Variants in DNAH7 observed in about 807,000 individuals in gnomAD.
DNAH7 encodes dynein axonemal heavy chain 7.
DNAH7 carries 397 observed loss-of-function variants against 444.6 expected under a neutral mutation model. The ratio of observed to expected loss-of-function variants is 0.89; its 90% CI spans 0.82 to 0.97. The LOEUF is 0.97. Among genes scored for constraint, DNAH7 ranks in the 50% least tolerant of loss-of-function variants. The probability of loss-of-function intolerance (pLI) is 0.00; values close to 1 mark genes in which losing one functional copy is unlikely to be tolerated. For missense variants in DNAH7, 4,902 were observed against 4,800.8 expected (o/e 1.02, Z -0.62); for synonymous variants, 1,636 against 1,624.4 (o/e 1.01, Z -0.17).
At chr2:195,968,622 C>G (rs1691643150) in intron 17 of DNAH7, among the ~76,000 whole-genome samples, 1 of 152,162 alleles carries the variant, frequency 6.6e-6, no homozygotes, top group Non-Finnish European at 1.5e-5. Context: ...CTCAGCCACC[C>G]TGCATGGTGT....
intron 27 of DNAH7, chr2:195,904,868 A>G (rs960494912): frequency 1.3e-5 from 2 of 152,098 alleles, no homozygotes; most frequent in African/African-American, 4.8e-5. Context: ...GGGCCCCATC[A>G]GGCTTTTATT....
At chr2:195,869,890 T>A (rs1380576212) in intron 40 of DNAH7, among the ~76,000 whole-genome samples, 2 of 152,202 alleles carry the variant, frequency 1.3e-5, no homozygotes, top group Non-Finnish European at 2.9e-5. Context: ...TATGTATAAA[T>A]ATGAAGTAGT....
rs369286897 is a variant in DNAH7 at position 196,016,258 on chromosome 2, G to T, written c.869+2912C>A. 6.6e-5 allele frequency among the ~76,000 whole-genome samples: 10 copies of T among 152,242 alleles called. No homozygotes were observed. In the East Asian group the frequency reaches 1.5e-3, roughly 23 times the overall value. ...ATATAAAAAAAAACGATAACTTGTG[G>T]TGTTGTTTTGAAAATGAAATGTACT... On this transcript the variant is annotated intron_variant, in intron 9 of 64. Transcript: ENST00000312428.
chr2:196,037,145 A>C (rs1199653506), intron 5 of DNAH7, among the ~76,000 whole-genome samples: 1 of 152,210 alleles, frequency 6.6e-6, no homozygotes, highest in African/African-American at 2.4e-5. Flanking sequence ...CTGATATCAA[A>C]TACAATCAAA....
At position 196,024,454 on chromosome 2, in the gene DNAH7, C is replaced by A; in HGVS notation, c.718G>T (p.Asp240Tyr). ...TCAGCACGATGGGCTGGAAGTTCAT[C>A]TGTCTTCTTATCATCTCCTTTCTCT... ...PREKGDDKKT[D>Y]ELPAHRAEME... The change falls in exon 8 of 65, where the codon GAT (aspartate) becomes TAT (tyrosine). Residue 240 changes from aspartate to tyrosine, a missense_variant. Transcript: ENST00000312428. The A allele has an allele frequency of 6.3e-7, 1 of 1,585,152 alleles. No homozygotes were observed. Among genetic ancestry groups the A allele is most frequent in the Non-Finnish European group, 8.6e-7 (1 of 1,168,530 alleles).
chr2:195,969,858 G>C (rs1057131869), intron 17 of DNAH7, 90 bp downstream of exon 17: 1 of 1,287,718 alleles, frequency 7.8e-7, no homozygotes, highest in African/African-American at 1.5e-5. Flanking sequence ...TGTTTTATTT[G>C]AATCTACTTC....
chr2:195,781,074 T>C (rs1450757170), intron 58 of DNAH7, among the ~76,000 whole-genome samples: 5 of 105,354 alleles, frequency 4.7e-5, no homozygotes, highest in African/African-American at 1.5e-4. Context: ...ACAAAGCCCT[T>C]GTGAAAAAAA....
chr2:195,864,797 G>T lies in DNAH7; in HGVS notation c.6858C>A (p.Ile2286=). 1 of 1,614,126 alleles carries T rather than the reference G, an allele frequency of 6.2e-7. No individual in the cohort carries two copies. Residue 2286 remains isoleucine, a synonymous_variant, in exon 41 of 65, where the codon ATC becomes ATA. Transcript: ENST00000312428. ...TCATTCGAAGATTATCCACATCTGC[G>T]ATTTCTCTGTAGTTGGTATCCTCCC... ...PKREDTNYRE[I]ADVDNLRMIV... is the part of the protein sequence containing the mutation.
At chr2:195,904,496 T>G (rs960631024) in intron 27 of DNAH7, 1 of 152,144 alleles carries the variant, frequency 6.6e-6, no homozygotes, top group African/African-American at 2.4e-5. Flanking sequence ...CTCTTGTAGA[T>G]TGTACTAAGA....
At chr2:195,842,156 T>C (rs1047405004) in intron 47 of DNAH7, among the ~76,000 whole-genome samples, 1 of 152,074 alleles carries the variant, frequency 6.6e-6, no homozygotes, top group Non-Finnish European at 1.5e-5. Context: ...TCTGATCTAC[T>C]TACCAAGCTG....
intron 58 of DNAH7, among the ~76,000 whole-genome samples, chr2:195,782,921 T>C (rs1283384548): frequency 6.6e-6 from 1 of 152,226 alleles, no homozygotes; most frequent in Non-Finnish European, 1.5e-5. Flanking sequence ...TCATCTATTT[T>C]CAGGCTTCTC....
At chr2:196,012,182 G>A (rs1694761387) in intron 10 of DNAH7, among the ~76,000 whole-genome samples, 1 of 152,066 alleles carries the variant, frequency 6.6e-6, no homozygotes, top group South Asian at 2.1e-4. Flanking sequence ...TTAATGTCCT[G>A]TTTATAATAA....
intron 53 of DNAH7, among the ~76,000 whole-genome samples, chr2:195,807,608 C>T (rs111769261): frequency 0.011 from 1,725 of 152,076 alleles, 24 homozygotes; most frequent in Non-Finnish European, 0.018. Context: ...TAAAGGAAGA[C>T]TTGAGAATGT....
At chr2:195,970,497 A>G (rs1395460561) in intron 16 of DNAH7, among the ~76,000 whole-genome samples, 4 of 152,188 alleles carry the variant, frequency 2.6e-5, no homozygotes, top group Non-Finnish European at 5.9e-5. Flanking sequence ...CTATTTTTAT[A>G]AACTGAAAAA....
At chr2:195,786,519 G>A (rs768714305) in intron 58 of DNAH7, among the ~76,000 whole-genome samples, 1 of 151,986 alleles carries the variant, frequency 6.6e-6, no homozygotes, top group Non-Finnish European at 1.5e-5. Flanking sequence ...TAGGCTGTTC[G>A]GCTTCTTTCC....
chr2:195,807,648 T>TA (rs1239839550), intron 53 of DNAH7, among the ~76,000 whole-genome samples: 2 of 152,106 alleles, frequency 1.3e-5, no homozygotes, highest in South Asian at 2.1e-4. Context: ...TGAGAGCTAT[T>TA]AAAAAATCAC....
At chr2:195,992,411 A>G (rs1462514621) in intron 12 of DNAH7, among the ~76,000 whole-genome samples, 1 of 152,202 alleles carries the variant, frequency 6.6e-6, no homozygotes, top group East Asian at 1.9e-4. Context: ...ACACCCACAC[A>G]AAGAGTTTAA....
chr2:196,036,332 C>G (rs1696388866), intron 5 of DNAH7, among the ~76,000 whole-genome samples: 1 of 152,126 alleles, frequency 6.6e-6, no homozygotes, highest in Admixed American at 6.5e-5. Context: ...CTGTGCCTGG[C>G]CTCCACATTC....
At chr2:195,822,255 C>T (rs548125775) in intron 49 of DNAH7, among the ~76,000 whole-genome samples, 3 of 152,250 alleles carry the variant, frequency 2.0e-5, no homozygotes, top group East Asian at 3.9e-4. Flanking sequence ...ATCCAAAAAC[C>T]ATAGGCACAG....
Sources: gnomAD v4.1 joint callset for allele counts (sites outside exome capture counted in the v4.1 genomes callset) on GRCh38, gnomAD v4.1.1 for gene constraint, MANE v1.5 for transcripts, NCBI Gene and HGNC (gene_info 2026-07-23, HGNC 2026-07-21) for gene names.